Variants in DZIP3 observed in about 807,000 individuals in gnomAD.
The protein encoded by DZIP3 is DAZ interacting zinc finger protein 3.
Under a neutral mutation model 162.0 loss-of-function variants are expected in DZIP3, and 118 were observed. The observed-to-expected ratio is 0.73, with a 90% CI of 0.63 to 0.85. DZIP3 has a LOEUF of 0.85. Ranked by LOEUF, DZIP3 falls within the 40% of genes least tolerant of loss-of-function variation. The probability of loss-of-function intolerance (pLI) is 0.00; values close to 1 mark genes in which losing one functional copy is unlikely to be tolerated. For missense variants in DZIP3, 1,331 were observed against 1,407.0 expected (o/e 0.95, Z 0.86); for synonymous variants, 438 against 458.6 (o/e 0.96, Z 0.57).
chr3:108,624,902 A>AT (rs1344127679), intron 6 of DZIP3, among the ~76,000 whole-genome samples: 2 of 151,572 alleles, frequency 1.3e-5, no homozygotes, highest in East Asian at 3.9e-4. Context: ...TTTTTTTCTG[A>AT]TTTTTAATGA....
chr3:108,643,328 C>G (rs1360337207), intron 13 of DZIP3, among the ~76,000 whole-genome samples: 1 of 152,094 alleles, frequency 6.6e-6, no homozygotes, highest in East Asian at 1.9e-4. Flanking sequence ...AGTTTCATGC[C>G]TTATTCCATG....
chr3:108,675,161 T>C (rs1384236965), intron 24 of DZIP3, among the ~76,000 whole-genome samples: 1 of 151,622 alleles, frequency 6.6e-6, no homozygotes, highest in Non-Finnish European at 1.5e-5. Flanking sequence ...ATCTCTTTTC[T>C]AGAGATAATA....
At chr3:108,677,765 A>G (rs898617546) in intron 26 of DZIP3, among the ~76,000 whole-genome samples, 167 bp downstream of exon 26, 2 of 152,094 alleles carry the variant, frequency 1.3e-5, no homozygotes, top group African/African-American at 4.8e-5. Flanking sequence ...ACCAGATGAT[A>G]TAATTAGATG....
chr3:108,668,366 G>A (rs984433337), intron 21 of DZIP3, among the ~76,000 whole-genome samples: 2 of 151,954 alleles, frequency 1.3e-5, no homozygotes, highest in African/African-American at 2.4e-5. Context: ...GAAAAAGACT[G>A]AGAAGTTAAG....
intron 8 of DZIP3, among the ~76,000 whole-genome samples, chr3:108,629,967 T>G (rs575218481): frequency 6.6e-6 from 1 of 152,212 alleles, no homozygotes; most frequent in East Asian, 1.9e-4. Flanking sequence ...CCTTCTTATA[T>G]AAAGTGATCT....
intron 7 of DZIP3, 88 bp from the exon 8 acceptor site, chr3:108,628,974 C>CA (rs1424816539): frequency 3.8e-6 from 3 of 780,374 alleles, no homozygotes; most frequent in South Asian, 2.1e-5. Context: ...CTATTTACCA[C>CA]AAAAAAAGGG....
chr3:108,595,072 A>G (rs912853291), intron 1 of DZIP3, among the ~76,000 whole-genome samples: 1 of 152,256 alleles, frequency 6.6e-6, no homozygotes, highest in African/African-American at 2.4e-5. Context: ...TGTTGGTGAA[A>G]TAGACAAACC....
rs144590760 is a variant in DZIP3, at chr3:108,682,806, G to A, written c.2884-1410G>A. On this transcript the variant is annotated intron_variant, in intron 26 of 32. Transcript: ENST00000361582. ...AAATGACAAATGAAGTGATGAATAT[G>A]CCAATTACCCTTTGATCGTTACACC... Among the ~76,000 whole-genome samples, 1,059 of 150,764 alleles carry A rather than the reference G, an allele frequency of 7.0e-3. 80 individuals are homozygous for A. Among genetic ancestry groups the A allele is most frequent in the African/African-American group, 0.025 (1,014 of 40,160 alleles).
At chr3:108,609,177 A>G (rs1159800246) in intron 3 of DZIP3, among the ~76,000 whole-genome samples, 2 of 152,174 alleles carry the variant, frequency 1.3e-5, no homozygotes, top group East Asian at 1.9e-4. Flanking sequence ...AGGAATTACA[A>G]TTCAGCATGA....
intron 1 of DZIP3, among the ~76,000 whole-genome samples, chr3:108,591,412 T>C (rs1939410682): frequency 6.6e-6 from 1 of 152,254 alleles, no homozygotes; most frequent in Non-Finnish European, 1.5e-5. Flanking sequence ...TCATCTGTGA[T>C]GATGTGTCAG....
chr3:108,592,524 C>T (rs1456433167), intron 1 of DZIP3, among the ~76,000 whole-genome samples: 3 of 151,896 alleles, frequency 2.0e-5, no homozygotes, highest in Non-Finnish European at 4.4e-5. Context: ...TGAAACCCCA[C>T]CTCTACTAAA....
intron 8 of DZIP3, among the ~76,000 whole-genome samples, chr3:108,631,055 A>ACACACACATACTCT: frequency 5.6e-5 from 1 of 18,014 alleles, no homozygotes; most frequent in South Asian, 2.3e-3. Context: ...ACACACACAC[A>ACACACACATACTCT]CTCTCTCTCT....
At chr3:108,665,142 A>G (rs767377643) in intron 21 of DZIP3, among the ~76,000 whole-genome samples, 5 of 152,202 alleles carry the variant, frequency 3.3e-5, no homozygotes, top group Non-Finnish European at 7.4e-5. Flanking sequence ...CCAACAAATG[A>G]CAATATTAAT....
intron 12 of DZIP3, among the ~76,000 whole-genome samples, chr3:108,638,531 A>G (rs894566724): frequency 4.6e-5 from 7 of 152,024 alleles, no homozygotes; most frequent in Non-Finnish European, 7.4e-5. Flanking sequence ...ATTAGCCAGG[A>G]TGGTCTTGAT....
intron 8 of DZIP3, among the ~76,000 whole-genome samples, chr3:108,631,049 A>ACTCTCTCTCTCT (rs1454927812): frequency 1.6e-3 from 86 of 55,476 alleles, no homozygotes; most frequent in Non-Finnish European, 1.9e-3. Context: ...ACACACACAC[A>ACTCTCTCTCTCT]CACACACTCT....
chr3:108,648,219 A>G, intron 16 of DZIP3, 107 bp downstream of exon 16: 2 of 1,115,230 alleles, frequency 1.8e-6, no homozygotes, highest in East Asian at 2.6e-5. Context: ...TTATATTTTC[A>G]TAGTGTTTAT....
At position 108,668,071 on chromosome 3, in the gene DZIP3, T is replaced by C. The variant is rs1160676974; in HGVS notation, c.2424-1610T>C. ...TGTTGGCTTCTTTCATCTTAGAATA[T>C]GGAGATTAGAAAGCAAAAATGGTGT... On this transcript the variant is annotated intron_variant, in intron 21 of 32. Coordinates refer to ENST00000361582, the MANE Select transcript of DZIP3 (RefSeq NM_014648.4). Among the ~76,000 whole-genome samples the C allele has an allele frequency of 2.0e-5, 3 of 152,146 alleles. No homozygotes were observed. In the East Asian group the frequency reaches 5.8e-4, roughly 29 times the overall value.
At chr3:108,609,804 G>C (rs778526688) in intron 3 of DZIP3, among the ~76,000 whole-genome samples, 1 of 152,152 alleles carries the variant, frequency 6.6e-6, no homozygotes, top group Non-Finnish European at 1.5e-5. Context: ...TCATGCCACT[G>C]CACTCCAGCC....
At chr3:108,687,920 C>T (rs1944551708) in intron 28 of DZIP3, 56 bp from the exon 29 acceptor site, 2 of 1,607,208 alleles carry the variant, frequency 1.2e-6, no homozygotes, top group South Asian at 1.1e-5. Context: ...TGGGTACATC[C>T]TCAAAGGTAC....
Sources: gnomAD v4.1 joint callset for allele counts (sites outside exome capture counted in the v4.1 genomes callset) on GRCh38, gnomAD v4.1.1 for gene constraint, MANE v1.5 for transcripts, NCBI Gene and HGNC (gene_info 2026-07-23, HGNC 2026-07-21) for gene names.